The following MAVS variants were observed in gnomAD, a reference collection of about 807,000 sequenced individuals.
MAVS encodes mitochondrial antiviral-signaling protein.
A neutral mutation model predicts 30.2 loss-of-function variants in MAVS; 20 were observed. The ratio of observed to expected loss-of-function variants is 0.66; its 90% CI spans 0.47 to 0.96. The LOEUF (loss-of-function observed/expected upper bound fraction) is 0.96. Among genes scored for constraint, MAVS ranks in the 40% least tolerant of loss-of-function variants. The pLI is 0.00. For synonymous variants in MAVS, 278 were observed against 293.9 expected (o/e 0.95, Z 0.55); for missense variants, 624 against 701.1 (o/e 0.89, Z 1.24).
intron 1 of MAVS, among the ~76,000 whole-genome samples, chr20:3,853,917 A>G (rs1378289019): frequency 1.3e-5 from 2 of 151,176 alleles, no homozygotes; most frequent in Non-Finnish European, 1.5e-5. Context: ...CCTCCCGAGT[A>G]GCTGGGATTA....
rs184762210 is a variant in MAVS, at chr20:3,848,391, G to A, written c.-68+1488G>A. Among the ~76,000 whole-genome samples, 76 of 152,248 alleles carry A rather than the reference G, an allele frequency of 5.0e-4. 1 individual carries two copies. Among genetic ancestry groups the A allele is most frequent in the South Asian group, 1.7e-3 (8 of 4,826 alleles). ...TGGGATTCCAGGCGTGAGCCACCGCGCCCGGCCGAGAAAGGGATCTATTAA... is the reference window on the plus strand; with the variant it reads ...TGGGATTCCAGGCGTGAGCCACCGCACCCGGCCGAGAAAGGGATCTATTAA... On this transcript the variant is annotated intron_variant, in intron 1 of 6. Coordinates refer to ENST00000428216, the MANE Select transcript of MAVS (RefSeq NM_020746.5).
Sources: gnomAD v4.1 joint callset for allele counts (sites outside exome capture counted in the v4.1 genomes callset) on GRCh38, gnomAD v4.1.1 for gene constraint, MANE v1.5 for transcripts, NCBI Gene and HGNC (gene_info 2026-07-23, HGNC 2026-07-21) for gene names.